MAPKAP1: variants seen among roughly 807,000 people sequenced by gnomAD.
The protein encoded by MAPKAP1 is target of rapamycin complex 2 subunit MAPKAP1.
MAPKAP1 carries 20 observed loss-of-function variants against 65.7 expected under a neutral mutation model. The observed-to-expected ratio is 0.30, with a 90% CI of 0.21 to 0.44. MAPKAP1 has a LOEUF of 0.44. MAPKAP1 is among the 20% of genes least tolerant of loss of function. MAPKAP1 has a pLI of 1.00. For synonymous variants in MAPKAP1, 222 were observed against 244.3 expected (o/e 0.91, Z 0.85); for missense variants, 423 against 648.0 (o/e 0.65, Z 3.77).
intron 7 of MAPKAP1, among the ~76,000 whole-genome samples, chr9:125,533,833 A>G (rs145380592): frequency 2.0e-3 from 311 of 152,210 alleles, no homozygotes; most frequent in African/African-American, 6.9e-3. Context: ...AAAATCTAGC[A>G]CAAATATGCA....
At chr9:125,577,059 C>G (rs532745251) in intron 5 of MAPKAP1, among the ~76,000 whole-genome samples, 9 of 151,194 alleles carry the variant, frequency 6.0e-5, no homozygotes, top group Admixed American at 1.3e-4. Flanking sequence ...GCCGCCATCC[C>G]ATCTAGGAAG....
chr9:125,611,846 A>T (rs1175977733), intron 4 of MAPKAP1, among the ~76,000 whole-genome samples: 3 of 152,236 alleles, frequency 2.0e-5, no homozygotes, highest in Non-Finnish European at 2.9e-5. Context: ...AAAAATGGAC[A>T]GTCTATCAAC....
chr9:125,443,104 G>A (rs1442704337), intron 11 of MAPKAP1, among the ~76,000 whole-genome samples: 1 of 152,252 alleles, frequency 6.6e-6, no homozygotes, highest in Non-Finnish European at 1.5e-5. Flanking sequence ...AAGATGCACT[G>A]TGATGGGACA....
chr9:125,547,479 T>A (rs775576794), intron 6 of MAPKAP1, among the ~76,000 whole-genome samples: 6 of 152,122 alleles, frequency 3.9e-5, no homozygotes, highest in Non-Finnish European at 7.4e-5. Context: ...CCCTATAGAA[T>A]TGTCACAAGC....
intron 4 of MAPKAP1, among the ~76,000 whole-genome samples, chr9:125,639,712 G>A (rs965502295): frequency 3.3e-5 from 5 of 152,150 alleles, no homozygotes; most frequent in African/African-American, 7.2e-5. Flanking sequence ...AAGAGGTGAC[G>A]TCTGAGTTGG....
At chr9:125,477,825 T>C (rs1023234673) in intron 9 of MAPKAP1, among the ~76,000 whole-genome samples, 2 of 152,156 alleles carry the variant, frequency 1.3e-5, no homozygotes, top group Admixed American at 1.3e-4. Flanking sequence ...GCAACCTCCC[T>C]CAAGTGGTTA....
intron 4 of MAPKAP1, among the ~76,000 whole-genome samples, chr9:125,620,752 G>A (rs1198554297): frequency 1.3e-5 from 2 of 152,136 alleles, no homozygotes; most frequent in Non-Finnish European, 2.9e-5. Context: ...AAGCAAGCTC[G>A]AGAAAAGTGT....
intron 7 of MAPKAP1, among the ~76,000 whole-genome samples, chr9:125,521,105 C>G (rs1427562194): frequency 6.6e-6 from 1 of 152,198 alleles, no homozygotes; most frequent in Admixed American, 6.5e-5. Flanking sequence ...AACTTCAAAA[C>G]TTGCAGAAGG....
chr9:125,614,097 C>A (rs1005783848), intron 4 of MAPKAP1, among the ~76,000 whole-genome samples: 1 of 151,788 alleles, frequency 6.6e-6, no homozygotes, highest in Admixed American at 6.6e-5. Context: ...CAGGCCCGGC[C>A]AAAAAAGAGC....
chr9:125,687,249 T>C (rs1489237347), intron 1 of MAPKAP1, among the ~76,000 whole-genome samples: 1 of 150,900 alleles, frequency 6.6e-6, no homozygotes, highest in African/African-American at 2.4e-5. Flanking sequence ...TAACAGAAAA[T>C]GAAAATGGCA....
intron 1 of MAPKAP1, among the ~76,000 whole-genome samples, chr9:125,686,520 C>T (rs1834983864): frequency 6.6e-6 from 1 of 152,112 alleles, no homozygotes; most frequent in African/African-American, 2.4e-5. Context: ...GGACTTTCAG[C>T]TCTTAAATTC....
At chr9:125,644,986 C>T (rs1833684488) in intron 4 of MAPKAP1, among the ~76,000 whole-genome samples, 1 of 152,032 alleles carries the variant, frequency 6.6e-6, no homozygotes, top group East Asian at 1.9e-4. Flanking sequence ...TGTGGCAGCC[C>T]CTCAAACATG....
intron 7 of MAPKAP1, among the ~76,000 whole-genome samples, chr9:125,516,607 A>G (rs905607998): frequency 6.6e-6 from 1 of 152,248 alleles, no homozygotes; most frequent in Non-Finnish European, 1.5e-5. Flanking sequence ...GGTGTGAGAC[A>G]GAACTACCCA....
At chr9:125,619,951 CCT>C (rs1245080418) in intron 4 of MAPKAP1, among the ~76,000 whole-genome samples, 6 of 152,008 alleles carry the variant, frequency 3.9e-5, no homozygotes, top group African/African-American at 9.7e-5. Context: ...TAACAATACC[CCT>C]GTCAAGATTC....
At chr9:125,451,499 C>T (rs1852947363) in intron 10 of MAPKAP1, among the ~76,000 whole-genome samples, 1 of 152,164 alleles carries the variant, frequency 6.6e-6, no homozygotes, top group African/African-American at 2.4e-5. Context: ...GCTATGTGGC[C>T]TATACCTTTC....
chr9:125,444,940 C>T (rs1852648783), intron 10 of MAPKAP1, among the ~76,000 whole-genome samples: 1 of 152,168 alleles, frequency 6.6e-6, no homozygotes, highest in Admixed American at 6.5e-5. Context: ...CATTATTACT[C>T]TAAAAATAAA....
At chr9:125,615,705 G>A (rs1392152354) in intron 4 of MAPKAP1, among the ~76,000 whole-genome samples, 1 of 152,146 alleles carries the variant, frequency 6.6e-6, no homozygotes, top group Non-Finnish European at 1.5e-5. Context: ...TTGAGGTCAG[G>A]AGTTCAAGAT....
chr9:125,586,823 A>C (rs1023895432), intron 4 of MAPKAP1, among the ~76,000 whole-genome samples: 1 of 152,084 alleles, frequency 6.6e-6, no homozygotes, highest in African/African-American at 2.4e-5. Flanking sequence ...GGAATGCTTG[A>C]TTGTCCCTCA....
chr9:125,462,844 C>T (rs1448972471), intron 10 of MAPKAP1, among the ~76,000 whole-genome samples: 1 of 152,170 alleles, frequency 6.6e-6, no homozygotes, highest in East Asian at 1.9e-4. Context: ...ATTTGGCTAT[C>T]ACTTCTAGCC....
Sources: allele counts gnomAD v4.1 joint callset (sites outside exome capture counted in the v4.1 genomes callset), GRCh38; gene constraint gnomAD v4.1.1; transcripts MANE v1.5; gene names NCBI Gene and HGNC (gene_info 2026-07-23, HGNC 2026-07-21).